Variants in GUCA1B observed in about 807,000 individuals in gnomAD.
GUCA1B encodes guanylate cyclase activator 1B.
Under a neutral mutation model 24.2 loss-of-function variants are expected in GUCA1B, and 22 were observed. The observed-to-expected ratio is 0.91, with a 90% CI of 0.65 to 1.30. The LOEUF (loss-of-function observed/expected upper bound fraction) is 1.30. GUCA1B is among the 50% of genes most tolerant of loss of function. GUCA1B has a pLI of 0.00. For missense variants in GUCA1B, 221 were observed against 258.8 expected (o/e 0.85, Z 1.00); for synonymous variants, 100 against 97.9 (o/e 1.02, Z -0.13).
chr6:42,187,830 T>G (rs1454526715), intron 2 of GUCA1B, among the ~76,000 whole-genome samples: 1 of 152,028 alleles, frequency 6.6e-6, no homozygotes, highest in Non-Finnish European at 1.5e-5. Flanking sequence ...TTCTAATTAT[T>G]TCCTAAGATA....
rs1263416370 is a variant in GUCA1B, at chr6:42,188,632, T to C, written c.307A>G (p.Lys103Glu). ...CGGTCGATGCAGCCATTGCCATCCT[T>C]ATCATAGATCTTGAATGTCCACTTC... ...KLKWTFKIYD[K>E]DGNGCIDRLE... Residue 103 changes from lysine (K) to glutamate (E), a missense_variant, in exon 2 of 4, where the codon AAG becomes GAG. Physicochemically the swap from Lys to Glu is moderately conservative, Grantham distance 56 (BLOSUM62 1). Coordinates refer to ENST00000230361, the MANE Select transcript of GUCA1B (RefSeq NM_002098.6). The C allele has an allele frequency of 6.8e-6, 11 of 1,614,122 alleles. No individual in the cohort carries two copies. Among genetic ancestry groups the C allele is most frequent in the Non-Finnish European group, 9.3e-6 (11 of 1,179,990 alleles).
At chr6:42,194,520 G>A (rs140015628) in intron 1 of GUCA1B, 94 bp downstream of exon 1, 34 of 802,722 alleles carry the variant, frequency 4.2e-5, no homozygotes, top group African/African-American at 2.2e-4. Flanking sequence ...AGAAAGAGCC[G>A]AGGAGTGGGG....
intron 1 of GUCA1B, among the ~76,000 whole-genome samples, chr6:42,189,963 C>A (rs1768274290): frequency 6.6e-6 from 1 of 152,102 alleles, no homozygotes; most frequent in Non-Finnish European, 1.5e-5. Context: ...GCTATCAGAT[C>A]CCCCAGGAGT....
At position 42,186,466 on chromosome 6, in the gene GUCA1B, GCCTGTAATCCCA is replaced by G. The variant is rs1234318669; in HGVS notation, c.358-681_358-670del. On this transcript the variant is annotated intron_variant, in intron 2 of 3. Coordinates refer to ENST00000230361, the MANE Select transcript of GUCA1B (RefSeq NM_002098.6). ...AAATTAGCTGGGCAAGGTGGTGGGC[GCCTGTAATCCCA>G]CCTACTCAGGAGGCTGAGGCAGGAG... is the stretch of plus-strand genomic sequence containing the variant. Among the ~76,000 whole-genome samples, 12 of 152,248 alleles carry G rather than the reference GCCTGTAATCCCA, an allele frequency of 7.9e-5. No homozygotes were observed. In the East Asian group the frequency reaches 2.3e-3, roughly 29 times the overall value.
At chr6:42,189,700 A>C (rs1001077580) in intron 1 of GUCA1B, among the ~76,000 whole-genome samples, 1 of 152,262 alleles carries the variant, frequency 6.6e-6, no homozygotes, top group Non-Finnish European at 1.5e-5. Context: ...GGCACAGTCT[A>C]CTTCTAAGGT....
rs1768160418 is a variant in GUCA1B at position 42,184,513 on chromosome 6, G to C, written c.*302C>G. ...TCAGTTGGCTCTTGCTTCCAACTGA[G>C]AACACCCAGAAACTGTGGGAGCCCC... On this transcript the variant is annotated 3_prime_UTR_variant, in exon 4 of 4. Coordinates refer to ENST00000230361, the MANE Select transcript of GUCA1B (RefSeq NM_002098.6). 1 of 429,112 alleles carries C rather than the reference G, an allele frequency of 2.3e-6. No individual in the cohort carries two copies. The highest frequency in any genetic ancestry group is 2.1e-5 in the South Asian group (1 of 47,866). The allele number at this position is 429,112 out of a possible 1,614,324, so 26.6% of individuals were successfully genotyped here. A position where few individuals can be genotyped will look rare whatever the true frequency, so the allele number is the denominator to read the frequency against.
intron 1 of GUCA1B, among the ~76,000 whole-genome samples, chr6:42,191,462 T>A (rs979413639): frequency 2.0e-5 from 3 of 152,130 alleles, no homozygotes; most frequent in African/African-American, 7.2e-5. Context: ...ATGACACTCC[T>A]TGATATAAGG....
At position 42,184,779 on chromosome 6, in the gene GUCA1B, G is replaced by A; in HGVS notation, c.*36C>T. The A allele has an allele frequency of 6.2e-7, 1 of 1,609,384 alleles. No homozygotes were observed. Among genetic ancestry groups the A allele is most frequent in the Non-Finnish European group, 8.5e-7 (1 of 1,176,178 alleles). On this transcript the variant is annotated 3_prime_UTR_variant, in exon 4 of 4. Coordinates refer to ENST00000230361, the MANE Select transcript of GUCA1B (RefSeq NM_002098.6). ...GACCCTCCTACTACCCTGGAAACCTGGGTGAGCCTGGAGTCGTGGAGGGGC... is the reference window on the plus strand; with the variant it reads ...GACCCTCCTACTACCCTGGAAACCTAGGTGAGCCTGGAGTCGTGGAGGGGC...
chr6:42,191,734 TA>T (rs1220715053), intron 1 of GUCA1B, among the ~76,000 whole-genome samples: 1 of 152,158 alleles, frequency 6.6e-6, no homozygotes, highest in African/African-American at 2.4e-5. Flanking sequence ...AAGAAAAAAA[TA>T]GTAACTTTAC....
At chr6:42,191,746 A>G (rs1040289293) in intron 1 of GUCA1B, among the ~76,000 whole-genome samples, 1 of 152,216 alleles carries the variant, frequency 6.6e-6, no homozygotes, top group Non-Finnish European at 1.5e-5. Context: ...GTAACTTTAC[A>G]ATGTTGAAAC....
chr6:42,191,670 T>C (rs748100333), intron 1 of GUCA1B, among the ~76,000 whole-genome samples: 3 of 152,196 alleles, frequency 2.0e-5, no homozygotes, highest in Admixed American at 6.5e-5. Context: ...GACTGAACAA[T>C]AGGATATTTA....
Position 42,194,744 on chromosome 6 carries a change from T to C in GUCA1B, c.77A>G (p.Lys26Arg). The change falls in exon 1 of 4, where the codon AAG becomes AGG. Residue 26 changes from lysine to arginine, a missense_variant. Lys to Arg is a conservative substitution (Grantham distance 26). Coordinates refer to ENST00000230361, the MANE Select transcript of GUCA1B (RefSeq NM_002098.6). ...IDVAELQEWY[K>R]KFVMECPSGT... ...GCTGGGGCACTCCATCACAAACTTC[T>C]TGTACCACTCCTGGAGCTCCGCCAC... 6.2e-7 allele frequency: 1 copy of C among 1,612,468 alleles called. No homozygotes were observed. Among genetic ancestry groups the C allele is most frequent in the Non-Finnish European group, 8.5e-7 (1 of 1,179,238 alleles).
chr6:42,192,385 GAAA>G (rs1182469071), intron 1 of GUCA1B, among the ~76,000 whole-genome samples: 2,485 of 79,284 alleles, frequency 0.031, 127 homozygotes, highest in African/African-American at 0.059. Flanking sequence ...AAAAAAGAGA[GAAA>G]AGAAAAGAAA....
intron 3 of GUCA1B, 27 bp downstream of exon 3, chr6:42,185,653 C>T (rs1768179995): frequency 4.6e-6 from 6 of 1,306,386 alleles, no homozygotes; most frequent in Non-Finnish European, 6.7e-6. Flanking sequence ...GAGTGGACAG[C>T]ACTCTCCCCA....
chr6:42,190,721 C>T (rs1239842731), intron 1 of GUCA1B, among the ~76,000 whole-genome samples: 3 of 152,130 alleles, frequency 2.0e-5, no homozygotes, highest in Non-Finnish European at 4.4e-5. Context: ...CAGTGCATCA[C>T]GTCGGAAGAA....
intron 2 of GUCA1B, among the ~76,000 whole-genome samples, chr6:42,186,999 T>C (rs35462610): frequency 0.074 from 11,313 of 152,316 alleles, 461 homozygotes; most frequent in Admixed American, 0.12. Context: ...TTGTTAGTCT[T>C]TTAAAAGAAA....
intron 1 of GUCA1B, among the ~76,000 whole-genome samples, chr6:42,191,009 G>C (rs1768295062): frequency 6.6e-6 from 1 of 152,118 alleles, no homozygotes; most frequent in African/African-American, 2.4e-5. Flanking sequence ...GGAAACCCCA[G>C]GACCATTTCT....
Position 42,194,908 on chromosome 6 carries a change from TC to T in GUCA1B, c.-89del. On this transcript the variant is annotated 5_prime_UTR_variant, in exon 1 of 4. It removes the in-frame stop codon of an upstream open reading frame in the 5' UTR. Coordinates refer to ENST00000230361, the MANE Select transcript of GUCA1B (RefSeq NM_002098.6). ...ATCTCTCCAACTAGGGCCCTCTTCC[TC>T]CCTTTCCAGGAGGCCTGATCAGCCT... 1.1e-6 allele frequency: 1 copy of T among 947,668 alleles called. No individual in the cohort carries two copies. The highest frequency in any genetic ancestry group is 1.6e-5 in the African/African-American group (1 of 61,896). The allele number at this position is 947,668 out of a possible 1,614,324, so 58.7% of individuals were successfully genotyped here.
rs1768193875 is a variant in GUCA1B, at chr6:42,186,438, C to T, written c.358-641G>A. Among the ~76,000 whole-genome samples, 3 of 152,014 alleles carry T rather than the reference C, an allele frequency of 2.0e-5. No individual in the cohort carries two copies. The South Asian group carries it at 6.2e-4, about 31-fold the overall frequency. ...TGAAATCCTGTCTCTACTAAAAATA[C>T]AAAAATTAGCTGGGCAAGGTGGTGG... On this transcript the variant is annotated intron_variant, in intron 2 of 3. Transcript: ENST00000230361.
Sources: allele counts gnomAD v4.1 joint callset (sites outside exome capture counted in the v4.1 genomes callset), GRCh38; gene constraint gnomAD v4.1.1; transcripts MANE v1.5; gene names NCBI Gene and HGNC (gene_info 2026-07-23, HGNC 2026-07-21).